The following TMEM223 variants were observed in gnomAD, a reference collection of about 807,000 sequenced individuals.
The protein encoded by TMEM223 is transmembrane protein 223.
In TMEM223, 14 loss-of-function variants were observed where a neutral mutation model predicts 14.1. The ratio of observed to expected loss-of-function variants is 0.99; its 90% CI spans 0.66 to 1.55. TMEM223 has a LOEUF of 1.55. TMEM223 is among the 40% of genes most tolerant of loss of function. The pLI is 0.00. For missense variants in TMEM223, 346 were observed against 269.9 expected, an observed-to-expected ratio of 1.28 and a Z score of -1.97; for synonymous variants, 145 against 120.5, an observed-to-expected ratio of 1.20 and a Z score of -1.33.
downstream of TMEM223, chr11:62,787,300 A>G (rs372280960): frequency 2.0e-5 from 30 of 1,536,236 alleles, no homozygotes; most frequent in African/African-American, 3.8e-4. Flanking sequence ...GCTCTGAGTC[A>G]GTGGCCCCTT....
chr11:62,785,853 T>A (rs948982320), downstream of TMEM223, among the ~76,000 whole-genome samples: 1 of 152,168 alleles, frequency 6.6e-6, no homozygotes, highest in African/African-American at 2.4e-5. Context: ...GATTTTAAAT[T>A]GTATAATCAG....
chr11:62,787,682 G>A (rs879470017), downstream of TMEM223: 8 of 995,034 alleles, frequency 8.0e-6, no homozygotes, highest in African/African-American at 1.6e-5. Flanking sequence ...ATGCAGCGAG[G>A]CTAATCGCGC....
At chr11:62,786,728 C>G (rs200048334), downstream of TMEM223, 3 of 1,613,108 alleles carry the variant, frequency 1.9e-6, no homozygotes, top group Non-Finnish European at 2.5e-6. Context: ...CCTTCTCTTT[C>G]GGTGACCCTG....
chr11:62,774,554 T>A (rs1043863429), intron 2 of TMEM223: 1 of 454,352 alleles, frequency 2.2e-6, no homozygotes, highest in Non-Finnish European at 4.4e-6. Flanking sequence ...GGCCTTCCTG[T>A]CTGAGGTGTG....
downstream of TMEM223, among the ~76,000 whole-genome samples, chr11:62,788,764 AC>A (rs2084321950): frequency 6.6e-6 from 1 of 151,752 alleles, no homozygotes; most frequent in Non-Finnish European, 1.5e-5. Context: ...CTGCACAGAG[AC>A]CATAACTTGT....
intron 1 of TMEM223, among the ~76,000 whole-genome samples, chr11:62,779,976 A>ATTT (rs1277954265): frequency 5.7e-5 from 3 of 52,626 alleles, no homozygotes; most frequent in African/African-American, 7.7e-5. Context: ...ATATATATAT[A>ATTT]TTTTTTTTTT....
In TMEM223 at chr11:62,790,519, C is replaced by G; in HGVS notation, c.*104G>C. 8.8e-7 allele frequency: 1 copy of G among 1,141,638 alleles called. No homozygotes were observed. The allele number at this position is 1,141,638 out of a possible 1,614,324, so 70.7% of individuals were successfully genotyped here. A position where few individuals can be genotyped will look rare whatever the true frequency, so the allele number is the denominator to read the frequency against. ...TCGAGCAGTGCTCCTGCCTCACCCT[C>G]CCAAAGTGCTGGGATTACAACAGGT... On this transcript the variant is annotated 3_prime_UTR_variant, in exon 2 of 2. Coordinates refer to ENST00000307366, the MANE Select transcript of TMEM223 (RefSeq NM_001080501.3).
At chr11:62,780,957 C>T (rs1449127053) in intron 1 of TMEM223, among the ~76,000 whole-genome samples, 7 of 123,014 alleles carry the variant, frequency 5.7e-5, no homozygotes, top group South Asian at 5.2e-4. Context: ...AAAAAAGGGC[C>T]GGGCACGGTG....
At position 62,790,238 on chromosome 11, in the gene TMEM223, T is replaced by C; in HGVS notation, c.*385A>G. 6 of 638,636 alleles carry C rather than the reference T, an allele frequency of 9.4e-6. No individual in the cohort carries two copies. In the South Asian group the frequency reaches 1.4e-4, roughly 14 times the overall value. 39.6% of individuals were successfully genotyped at this position (638,636 alleles called of 1,614,324 possible). ...TGTACCAAAATATTATATTACTGTCTTCATCTTAGTAGTGAGTTTTTGATG... is the reference window on the plus strand; with the variant it reads ...TGTACCAAAATATTATATTACTGTCCTCATCTTAGTAGTGAGTTTTTGATG... On this transcript the variant is annotated 3_prime_UTR_variant, in exon 2 of 2. Coordinates refer to ENST00000307366, the MANE Select transcript of TMEM223 (RefSeq NM_001080501.3).
intron 1 of TMEM223, chr11:62,778,496 G>T: frequency 1.2e-6 from 1 of 825,592 alleles, no homozygotes; most frequent in South Asian, 1.6e-5. Flanking sequence ...GGAGGGCTCA[G>T]AGTTGGAGAT....
downstream of TMEM223, chr11:62,787,068 C>T (rs1307175737): frequency 1.3e-6 from 2 of 1,528,740 alleles, no homozygotes; most frequent in East Asian, 2.5e-5. Flanking sequence ...GCGACGTTTT[C>T]CAGAAGAGCC....
intron 1 of TMEM223, among the ~76,000 whole-genome samples, chr11:62,781,437 G>A (rs2084228756): frequency 6.6e-6 from 1 of 152,086 alleles, no homozygotes; most frequent in Non-Finnish European, 1.5e-5. Flanking sequence ...ACTTTGGGAG[G>A]CTGAGGTGGG....
chr11:62,775,062 C>CA (rs35218634), intron 1 of TMEM223, among the ~76,000 whole-genome samples: 8,262 of 62,384 alleles, frequency 0.13, 530 homozygotes, highest in African/African-American at 0.25. Context: ...GACTCTGTCT[C>CA]AAAAAAAAAA....
At chr11:62,776,422 G>A (rs937694861) in intron 1 of TMEM223, 18 of 1,613,880 alleles carry the variant, frequency 1.1e-5, no homozygotes, top group Non-Finnish European at 1.5e-5. Context: ...AACGCCGGAA[G>A]CTGACGGTTG....
At chr11:62,786,355 A>G (rs746963714), downstream of TMEM223, 9 of 1,614,164 alleles carry the variant, frequency 5.6e-6, no homozygotes, top group South Asian at 8.8e-5. Context: ...CCCAGGTCAA[A>G]GCAGATGGAC....
At chr11:62,776,305 T>A (rs1278736520) in intron 1 of TMEM223, 4 of 1,442,500 alleles carry the variant, frequency 2.8e-6, no homozygotes, top group Non-Finnish European at 3.9e-6. Flanking sequence ...TTCTCTCCAG[T>A]CTGGCCCACT....
downstream of TMEM223, chr11:62,787,311 C>T: frequency 1.3e-6 from 2 of 1,529,966 alleles, no homozygotes; most frequent in Non-Finnish European, 8.7e-7. Flanking sequence ...GTGGCCCCTT[C>T]GTTCCTTGTA....
intron 1 of TMEM223, 111 bp from the exon 2 acceptor site, chr11:62,791,026 A>C: frequency 1.6e-6 from 2 of 1,229,820 alleles, no homozygotes; most frequent in African/African-American, 1.6e-5. Flanking sequence ...GTATTTACTG[A>C]GCGCTTTTTT....
Position 62,779,973 on chromosome 11 carries a change from TA to T in TMEM223, c.315-5309del, listed in dbSNP as rs1273890287. Among the ~76,000 whole-genome samples, 643 of 67,466 alleles carry T rather than the reference TA, an allele frequency of 9.5e-3. 3 individuals are homozygous for T. Among genetic ancestry groups the T allele is most frequent in the Non-Finnish European group, 0.018 (531 of 28,944 alleles). 44.3% of individuals were successfully genotyped at this position (67,466 alleles called of 152,430 possible). A position where few individuals can be genotyped will look rare whatever the true frequency, so the allele number is the denominator to read the frequency against. On this transcript the variant is annotated intron_variant, in intron 1 of 2. Transcript: ENST00000528367. The stretch of plus-strand genomic sequence containing the variant: ...GAGCCTATATATATATATATATATA[TA>T]TATTTTTTTTTTTTTTTTTTTTAGA...
Sources: gnomAD v4.1 joint callset for allele counts (sites outside exome capture counted in the v4.1 genomes callset) on GRCh38, gnomAD v4.1.1 for gene constraint, MANE v1.5 for transcripts, NCBI Gene and HGNC (gene_info 2026-07-23, HGNC 2026-07-21) for gene names.